FSHR: variants seen among roughly 807,000 people sequenced by gnomAD.
The protein encoded by FSHR is follicle-stimulating hormone receptor.
In FSHR, 46 loss-of-function variants were observed where a neutral mutation model predicts 52.1. That is an observed-to-expected ratio of 0.88 (90% CI 0.70 to 1.13). The LOEUF is 1.13. Ranked by LOEUF, FSHR falls within the 50% of genes most tolerant of loss-of-function variation. The pLI, the probability that FSHR is intolerant of heterozygous loss-of-function variation, is 0.00. For missense variants in FSHR, 964 were observed against 834.6 expected (o/e 1.16, Z -1.91); for synonymous variants, 399 against 309.6 (o/e 1.29, Z -3.03).
chr2:49,140,073 A>G (rs1672623923), intron 1 of FSHR, among the ~76,000 whole-genome samples: 1 of 152,138 alleles, frequency 6.6e-6, no homozygotes, highest in Admixed American at 6.6e-5. Context: ...TGGATTTGTT[A>G]GGGCAGCTTT....
At chr2:48,964,371 A>G (rs1674376942) in intron 9 of FSHR, among the ~76,000 whole-genome samples, 2 of 152,206 alleles carry the variant, frequency 1.3e-5, no homozygotes, top group South Asian at 4.2e-4. Context: ...CACTCAAATC[A>G]CTGGAAGATC....
intron 5 of FSHR, among the ~76,000 whole-genome samples, chr2:48,989,987 T>A (rs1307899433): frequency 1.3e-5 from 2 of 152,176 alleles, no homozygotes; most frequent in African/African-American, 2.4e-5. Flanking sequence ...CCTGCTTATC[T>A]CCTTCCTCTC....
At chr2:49,090,325 A>G (rs1670557741) in intron 1 of FSHR, among the ~76,000 whole-genome samples, 1 of 152,192 alleles carries the variant, frequency 6.6e-6, no homozygotes, top group South Asian at 2.1e-4. Context: ...GTTCTCTGTT[A>G]CTATAACTTT....
At chr2:49,115,798 G>A (rs1169156787) in intron 1 of FSHR, among the ~76,000 whole-genome samples, 1 of 152,130 alleles carries the variant, frequency 6.6e-6, no homozygotes, top group African/African-American at 2.4e-5. Flanking sequence ...AAGTGCTGGA[G>A]CTAAAATGAT....
intron 4 of FSHR, among the ~76,000 whole-genome samples, chr2:49,004,421 G>A (rs1667009669): frequency 6.6e-6 from 1 of 152,178 alleles, no homozygotes; most frequent in Admixed American, 6.5e-5. Context: ...GATGCCAAAT[G>A]TTCTTATCTT....
chr2:49,056,660 A>G (rs1190638313), intron 2 of FSHR, among the ~76,000 whole-genome samples: 1 of 151,960 alleles, frequency 6.6e-6, no homozygotes, highest in African/African-American at 2.4e-5. Context: ...CCACAGACCA[A>G]ACAGACACTT....
At chr2:48,997,156 A>G (rs1412749826) in intron 4 of FSHR, 5 of 926,868 alleles carry the variant, frequency 5.4e-6, no homozygotes, top group African/African-American at 1.8e-5. Flanking sequence ...TAGCTTCTGG[A>G]TAACACCAAA....
At chr2:49,010,609 G>A (rs945342632) in intron 4 of FSHR, among the ~76,000 whole-genome samples, 9 of 150,998 alleles carry the variant, frequency 6.0e-5, no homozygotes, top group East Asian at 4.0e-4. Flanking sequence ...AATGGTACCA[G>A]TTCCTCCTTG....
intron 1 of FSHR, among the ~76,000 whole-genome samples, chr2:49,075,233 G>T (rs1669905740): frequency 6.6e-6 from 1 of 152,132 alleles, no homozygotes; most frequent in Non-Finnish European, 1.5e-5. Context: ...TGATGGGTAT[G>T]CTAATCACTC....
chr2:49,017,627 A>G (rs1667535335), intron 3 of FSHR, 64 bp from the exon 4 acceptor site: 8 of 1,200,482 alleles, frequency 6.7e-6, no homozygotes, highest in Admixed American at 5.1e-5. Flanking sequence ...TATTTTTCAC[A>G]TTTTACAGAG....
At chr2:49,033,740 AC>A (rs1357095067) in intron 2 of FSHR, among the ~76,000 whole-genome samples, 1 of 151,594 alleles carries the variant, frequency 6.6e-6, no homozygotes, top group Non-Finnish European at 1.5e-5. Flanking sequence ...AAAATCATTT[AC>A]CCCCAAGTGC....
At chr2:49,087,918 G>C (rs1670460990) in intron 1 of FSHR, among the ~76,000 whole-genome samples, 1 of 152,174 alleles carries the variant, frequency 6.6e-6, no homozygotes, top group Non-Finnish European at 1.5e-5. Context: ...AATAACTATA[G>C]TATAGAGTGT....
chr2:49,030,529 C>G lies in FSHR; in HGVS notation c.225-10369G>C, dbSNP rs556833767. On this transcript the variant is annotated intron_variant, in intron 2 of 9. Coordinates refer to ENST00000406846, the MANE Select transcript of FSHR (RefSeq NM_000145.4). ...CCCTCCATTTTATACCTCTTTAAAT[C>G]TTATCTTGGCTTGAAAGAGCTTCCT... 2.0e-5 allele frequency among the ~76,000 whole-genome samples: 3 copies of G among 152,068 alleles called. No individual in the cohort carries two copies. In the East Asian group the frequency reaches 5.8e-4, roughly 29 times the overall value.
At chr2:49,064,113 T>C (rs1320197542) in intron 2 of FSHR, among the ~76,000 whole-genome samples, 3 of 151,750 alleles carry the variant, frequency 2.0e-5, no homozygotes, top group Non-Finnish European at 4.4e-5. Flanking sequence ...GGGGCAAATA[T>C]GGAAGATGAC....
chr2:49,124,534 T>C (rs1671933602), intron 1 of FSHR, among the ~76,000 whole-genome samples: 1 of 152,180 alleles, frequency 6.6e-6, no homozygotes, highest in Non-Finnish European at 1.5e-5. Context: ...TTTCTCAACC[T>C]GGGAAACTGT....
chr2:49,151,968 A>C (rs754963066), intron 1 of FSHR, among the ~76,000 whole-genome samples: 5 of 152,178 alleles, frequency 3.3e-5, no homozygotes, highest in Non-Finnish European at 7.4e-5. Flanking sequence ...TAGACAAAGC[A>C]ACATTTCTCT....
chr2:49,103,042 CCA>C (rs1408355770), intron 1 of FSHR, among the ~76,000 whole-genome samples: 1 of 152,122 alleles, frequency 6.6e-6, no homozygotes, highest in Non-Finnish European at 1.5e-5. Flanking sequence ...AAATTTAATA[CCA>C]CAGTTATATT....
chr2:49,028,727 G>T lies in FSHR; in HGVS notation c.225-8567C>A, dbSNP rs534179714. Among the ~76,000 whole-genome samples the T allele has an allele frequency of 4.9e-4, 74 of 152,266 alleles. No homozygotes were observed. The South Asian group carries it at 0.015, about 32-fold the overall frequency. On this transcript the variant is annotated intron_variant, in intron 2 of 9. Transcript: ENST00000406846. ...CAGGCCTGGTCCTTCACCCACCATT[G>T]TGCTTCTCCATACACTGTCTCCTTT...
intron 6 of FSHR, among the ~76,000 whole-genome samples, chr2:48,986,347 T>C (rs995997091): frequency 6.6e-6 from 1 of 151,764 alleles, no homozygotes; most frequent in Non-Finnish European, 1.5e-5. Flanking sequence ...TTTTGAAAAT[T>C]GCTATCCATA....
Sources: allele counts gnomAD v4.1 joint callset (sites outside exome capture counted in the v4.1 genomes callset), GRCh38; gene constraint gnomAD v4.1.1; transcripts MANE v1.5; gene names NCBI Gene and HGNC (gene_info 2026-07-23, HGNC 2026-07-21).